PDE4D: variants seen among roughly 807,000 people sequenced by gnomAD.
The protein encoded by PDE4D is phosphodiesterase 4D, also known as 3',5'-cyclic-AMP phosphodiesterase 4D.
In PDE4D, 24 loss-of-function variants were observed where a neutral mutation model predicts 87.4. The observed-to-expected ratio is 0.27, with a 90% confidence interval of 0.20 to 0.39. The LOEUF (loss-of-function observed/expected upper bound fraction) is 0.39. Among genes scored for constraint, PDE4D ranks in the 10% least tolerant of loss-of-function variants. The pLI is 1.00. For missense variants in PDE4D, 714 were observed against 1,041.0 expected, an observed-to-expected ratio of 0.69 and a Z score of 4.32; for synonymous variants, 384 against 383.2, an observed-to-expected ratio of 1.00 and a Z score of -0.02.
chr5:59,072,956 G>C (rs1765092898), intron 5 of PDE4D, among the ~76,000 whole-genome samples: 2 of 152,192 alleles, frequency 1.3e-5, no homozygotes, highest in African/African-American at 4.8e-5. Context: ...TGCAGGTCAT[G>C]AATCGCTTAG....
intron 1 of PDE4D, among the ~76,000 whole-genome samples, chr5:59,652,581 G>A (rs140819307): frequency 2.6e-5 from 4 of 152,268 alleles, no homozygotes; most frequent in Non-Finnish European, 5.9e-5. Flanking sequence ...AGATATCAAT[G>A]TTAACATAAT....
intron 1 of PDE4D, among the ~76,000 whole-genome samples, chr5:60,406,068 A>G (rs1390705374): frequency 6.6e-6 from 1 of 151,862 alleles, no homozygotes; most frequent in Non-Finnish European, 1.5e-5. Flanking sequence ...TAATTACAAC[A>G]TTTCCATTCT....
intron 1 of PDE4D, among the ~76,000 whole-genome samples, chr5:59,865,499 A>G (rs2152731918): frequency 6.6e-6 from 1 of 152,268 alleles, no homozygotes; most frequent in Admixed American, 6.5e-5. Flanking sequence ...TGTAGAGCCA[A>G]GAGAAATGTG....
intron 5 of PDE4D, among the ~76,000 whole-genome samples, chr5:59,101,703 A>C (rs1341391531): frequency 6.7e-6 from 1 of 149,474 alleles, no homozygotes; most frequent in Non-Finnish European, 1.5e-5. Flanking sequence ...TGAGTCTAAT[A>C]ATCAACTTTT....
intron 2 of PDE4D, among the ~76,000 whole-genome samples, chr5:60,009,065 G>A (rs1452480957): frequency 6.6e-6 from 1 of 151,906 alleles, no homozygotes; most frequent in African/African-American, 2.4e-5. Context: ...ATTACTAGAG[G>A]TCTCTCTCTA....
chr5:60,246,413 C>A (rs569715260), intron 1 of PDE4D, among the ~76,000 whole-genome samples: 2 of 151,666 alleles, frequency 1.3e-5, no homozygotes. Flanking sequence ...TTCTAGAAGG[C>A]CTATGAAACA....
chr5:60,083,665 C>A (rs1774222211), intron 2 of PDE4D, among the ~76,000 whole-genome samples: 1 of 152,034 alleles, frequency 6.6e-6, no homozygotes, highest in Non-Finnish European at 1.5e-5. Context: ...GTCATTAGCC[C>A]CAATTTGTGT....
chr5:60,320,056 T>C (rs60457614), intron 1 of PDE4D, among the ~76,000 whole-genome samples: 5,555 of 152,318 alleles, frequency 0.036, 146 homozygotes, highest in East Asian at 0.13. Flanking sequence ...CTGCCTTTTG[T>C]TTGGCTATGC....
At chr5:60,204,628 A>G (rs1031535144) in intron 1 of PDE4D, among the ~76,000 whole-genome samples, 1 of 152,248 alleles carries the variant, frequency 6.6e-6, no homozygotes, top group Non-Finnish European at 1.5e-5. Context: ...GTCAGAAATA[A>G]CAAGTGGTAG....
At chr5:60,493,029 G>A (rs545556072), upstream of PDE4D, among the ~76,000 whole-genome samples, 209 of 152,180 alleles carry the variant, frequency 1.4e-3, 1 homozygote, top group African/African-American at 4.7e-3. Context: ...TTGCCTTAAG[G>A]CCTCTAAGAT....
chr5:59,853,773 TTACACATTTGCA>T (rs1745017513), intron 1 of PDE4D, among the ~76,000 whole-genome samples: 1 of 152,072 alleles, frequency 6.6e-6, no homozygotes, highest in South Asian at 2.1e-4. Flanking sequence ...AATATACATG[TTACACATTTGCA>T]TACACATTTG....
At chr5:60,521,151 G>C (rs16878207) in intron 1 of PDE4D, 58,237 of 151,966 alleles carry the variant, frequency 0.38, 15,503 homozygotes, top group African/African-American at 0.76. Flanking sequence ...ATCCTCTGCT[G>C]AACCTCCAAC....
At chr5:60,512,359 G>C (rs1750614921) in intron 1 of PDE4D, among the ~76,000 whole-genome samples, 1 of 151,958 alleles carries the variant, frequency 6.6e-6, no homozygotes, top group South Asian at 2.1e-4. Context: ...TGATAGTCCT[G>C]GACCAACCCT....
intron 1 of PDE4D, among the ~76,000 whole-genome samples, chr5:60,228,050 C>T (rs1745338791): frequency 1.3e-5 from 2 of 152,042 alleles, no homozygotes; most frequent in Non-Finnish European, 2.9e-5. Flanking sequence ...TTGCCCATCA[C>T]TTTACTCTTC....
intron 1 of PDE4D, among the ~76,000 whole-genome samples, chr5:60,397,447 C>G (rs778706088): frequency 6.6e-6 from 1 of 152,148 alleles, no homozygotes; most frequent in African/African-American, 2.4e-5. Context: ...ACAATGGAAT[C>G]CTGTTCAGCC....
intron 1 of PDE4D, among the ~76,000 whole-genome samples, chr5:59,310,134 G>T (rs1049356699): frequency 6.6e-6 from 1 of 152,296 alleles, no homozygotes; most frequent in East Asian, 1.9e-4. Flanking sequence ...TTTTGGACAG[G>T]TGGCTCACAA....
chr5:59,344,547 C>T (rs1427326753), intron 1 of PDE4D, among the ~76,000 whole-genome samples: 1 of 151,986 alleles, frequency 6.6e-6, no homozygotes, highest in Non-Finnish European at 1.5e-5. Context: ...TACAGGCAGG[C>T]ACCATCACAC....
chr5:60,338,309 A>C (rs1044250333), intron 1 of PDE4D, among the ~76,000 whole-genome samples: 4 of 152,222 alleles, frequency 2.6e-5, no homozygotes, highest in Admixed American at 6.5e-5. Flanking sequence ...GAAAATGAGC[A>C]AAAACCCAGG....
intron 1 of PDE4D, among the ~76,000 whole-genome samples, chr5:59,289,490 C>G (rs1767600456): frequency 6.7e-6 from 1 of 149,592 alleles, no homozygotes; most frequent in Non-Finnish European, 1.5e-5. Context: ...ATTCAACATC[C>G]CTTCATGATA....
Sources: allele counts gnomAD v4.1 joint callset (sites outside exome capture counted in the v4.1 genomes callset), GRCh38; gene constraint gnomAD v4.1.1; transcripts MANE v1.5; gene names NCBI Gene and HGNC (gene_info 2026-07-23, HGNC 2026-07-21).